The following CALCR variants were observed in gnomAD, a reference collection of about 807,000 sequenced individuals.
CALCR encodes the protein calcitonin receptor.
Under a neutral mutation model 59.5 loss-of-function variants are expected in CALCR, and 47 were observed. The observed-to-expected ratio is 0.79, with a 90% CI of 0.63 to 1.01. The LOEUF (loss-of-function observed/expected upper bound fraction) is 1.01. Ranked by LOEUF, CALCR falls within the 50% of genes least tolerant of loss-of-function variation. The probability of loss-of-function intolerance (pLI) is 0.00; values close to 1 mark genes in which losing one functional copy is unlikely to be tolerated. For missense variants in CALCR, 566 were observed against 597.1 expected (o/e 0.95, Z 0.54); for synonymous variants, 213 against 211.3 (o/e 1.01, Z -0.07).
chr7:93,512,640 G>A (rs1801570866), intron 2 of CALCR, among the ~76,000 whole-genome samples: 1 of 152,084 alleles, frequency 6.6e-6, no homozygotes, highest in Non-Finnish European at 1.5e-5. Flanking sequence ...AAATATTTAA[G>A]ATAATTATAT....
intron 2 of CALCR, among the ~76,000 whole-genome samples, chr7:93,515,408 G>A (rs575633316): frequency 4.6e-5 from 7 of 151,860 alleles, no homozygotes; most frequent in Non-Finnish European, 1.0e-4. Flanking sequence ...CTTTCGTTTT[G>A]ACCAAAAATG....
intron 2 of CALCR, among the ~76,000 whole-genome samples, chr7:93,498,590 T>C (rs1801259561): frequency 6.6e-6 from 1 of 151,752 alleles, no homozygotes. Context: ...ATTAGATGTG[T>C]TTCAATGCTT....
chr7:93,508,555 C>A (rs138680393), intron 2 of CALCR, among the ~76,000 whole-genome samples: 3 of 152,190 alleles, frequency 2.0e-5, no homozygotes, highest in East Asian at 1.9e-4. Flanking sequence ...AGCAGAGTTA[C>A]AAATTTAAAA....
chr7:93,447,166 T>A (rs551641165), intron 8 of CALCR, among the ~76,000 whole-genome samples: 1 of 152,136 alleles, frequency 6.6e-6, no homozygotes, highest in Admixed American at 6.6e-5. Context: ...CTATTTAATC[T>A]ATCTTTTCCA....
intron 2 of CALCR, among the ~76,000 whole-genome samples, chr7:93,515,524 G>A (rs372892733): frequency 6.6e-6 from 1 of 151,952 alleles, no homozygotes; most frequent in African/African-American, 2.4e-5. Flanking sequence ...TTATTATTTT[G>A]GTGTTTATGT....
intron 2 of CALCR, among the ~76,000 whole-genome samples, chr7:93,523,295 CT>C (rs1563006740): frequency 6.6e-6 from 1 of 152,160 alleles, no homozygotes; most frequent in Non-Finnish European, 1.5e-5. Context: ...TTCTGTACCC[CT>C]CACGGTCTCC....
chr7:93,469,264 G>T (rs1180405980), intron 6 of CALCR, among the ~76,000 whole-genome samples: 2 of 151,488 alleles, frequency 1.3e-5, no homozygotes, highest in Non-Finnish European at 3.0e-5. Flanking sequence ...TGTTTAAAAT[G>T]ATATCATTAG....
At chr7:93,454,022 G>A (rs1320137182) in intron 8 of CALCR, among the ~76,000 whole-genome samples, 3 of 151,766 alleles carry the variant, frequency 2.0e-5, no homozygotes, top group African/African-American at 4.8e-5. Context: ...ATACACTTTC[G>A]TTCCCAATCT....
intron 2 of CALCR, among the ~76,000 whole-genome samples, chr7:93,509,173 C>T (rs1183686675): frequency 1.3e-5 from 2 of 151,996 alleles, no homozygotes; most frequent in Non-Finnish European, 2.9e-5. Flanking sequence ...GAGAGGGATC[C>T]CGTAAGATTC....
rs190484365 is a variant in CALCR at position 93,442,710 on chromosome 7, C to T, written c.802+894G>A. Among the ~76,000 whole-genome samples, 250 of 152,280 alleles carry T rather than the reference C, an allele frequency of 1.6e-3. 4 individuals carry two copies. The Middle Eastern group carries it at 0.027, about 17-fold the overall frequency. ...AGTTGAAGGCCATCCACAGCCTCTG[C>T]TCTCAGAGTCACAGTCACCCATCAT... On this transcript the variant is annotated intron_variant, in intron 9 of 13. Transcript: ENST00000426151.
At chr7:93,468,441 G>C (rs1016218047) in intron 7 of CALCR, among the ~76,000 whole-genome samples, 1 of 151,684 alleles carries the variant, frequency 6.6e-6, no homozygotes, top group Non-Finnish European at 1.5e-5. Context: ...TATTACAACA[G>C]TATACTTATG....
At chr7:93,440,592 A>G (rs1308589224) in intron 9 of CALCR, among the ~76,000 whole-genome samples, 1 of 151,780 alleles carries the variant, frequency 6.6e-6, no homozygotes, top group Non-Finnish European at 1.5e-5. Context: ...TAGCTTTGGC[A>G]TGCTAAAAAC....
chr7:93,452,429 T>C (rs1320540000), intron 8 of CALCR, among the ~76,000 whole-genome samples: 1 of 152,016 alleles, frequency 6.6e-6, no homozygotes, highest in Non-Finnish European at 1.5e-5. Flanking sequence ...TCGGCTCACC[T>C]GGAAAACTGT....
chr7:93,541,186 A>G (rs1315357703), intron 2 of CALCR, among the ~76,000 whole-genome samples: 1 of 152,132 alleles, frequency 6.6e-6, no homozygotes, highest in African/African-American at 2.4e-5. Context: ...TATTATTATT[A>G]TTGTTTGAGA....
At chr7:93,436,560 A>G (rs1005228073) in intron 11 of CALCR, among the ~76,000 whole-genome samples, 3 of 152,138 alleles carry the variant, frequency 2.0e-5, no homozygotes, top group Admixed American at 2.0e-4. Context: ...CTTTATTTGG[A>G]ACATTGCAGA....
chr7:93,451,836 G>A (rs777797769), intron 8 of CALCR, among the ~76,000 whole-genome samples: 7 of 151,854 alleles, frequency 4.6e-5, no homozygotes, highest in Non-Finnish European at 7.4e-5. Flanking sequence ...ATACCATGCA[G>A]ACATAAGAAA....
At chr7:93,469,881 T>C (rs192929071) in intron 6 of CALCR, among the ~76,000 whole-genome samples, 1 of 151,916 alleles carries the variant, frequency 6.6e-6, no homozygotes, top group Non-Finnish European at 1.5e-5. Context: ...AAATGTAGAA[T>C]TTATATATCC....
intron 6 of CALCR, 27 bp from the exon 7 acceptor site, chr7:93,468,833 A>AACAAACAAACAT (rs2115841826): frequency 7.9e-7 from 1 of 1,268,432 alleles, no homozygotes; most frequent in Non-Finnish European, 1.1e-6. Context: ...TAAACAAACA[A>AACAAACAAACAT]ACAATGAATG....
At chr7:93,484,530 A>G (rs188092172) in intron 3 of CALCR, among the ~76,000 whole-genome samples, 1 of 151,930 alleles carries the variant, frequency 6.6e-6, no homozygotes, top group East Asian at 2.0e-4. Flanking sequence ...GATAATGTAT[A>G]TAATTATTTT....
Sources: gnomAD v4.1 joint callset for allele counts (sites outside exome capture counted in the v4.1 genomes callset) on GRCh38, gnomAD v4.1.1 for gene constraint, MANE v1.5 for transcripts, NCBI Gene and HGNC (gene_info 2026-07-23, HGNC 2026-07-21) for gene names.